The following DMD variants were observed in gnomAD, a reference collection of about 807,000 sequenced individuals.
DMD encodes the protein mutant dystrophin.
DMD carries 63 observed loss-of-function variants against 330.1 expected under a neutral mutation model. The observed-to-expected ratio is 0.19, with a 90% CI of 0.16 to 0.24. The LOEUF is 0.24. Among genes scored for constraint, DMD ranks in the 10% least tolerant of loss-of-function variants. DMD has a pLI of 1.00. For synonymous variants in DMD, 1,223 were observed against 959.8 expected (o/e 1.27, Z -5.07); for missense variants, 3,344 against 2,684.1 (o/e 1.25, Z -5.43).
chrX:31,820,249 G>C (rs1402125030), intron 49 of DMD, among the ~76,000 whole-genome samples, 166 bp from the exon 50 acceptor site: 1 of 111,273 alleles, frequency 9.0e-6, no homozygotes, highest in Non-Finnish European at 1.9e-5. Flanking sequence ...AATTATTTTA[G>C]CCAACCACCC....
At chrX:32,123,306 G>A (rs1290473609) in intron 44 of DMD, among the ~76,000 whole-genome samples, 4 of 97,890 alleles carry the variant, frequency 4.1e-5, no homozygotes, top group Non-Finnish European at 8.1e-5. Context: ...CTTTCTTCCC[G>A]TGGTTCTTTA....
At chrX:32,969,128 G>A (rs1289684434) in intron 2 of DMD, among the ~76,000 whole-genome samples, 31 of 105,088 alleles carry the variant, frequency 2.9e-4, no homozygotes, top group African/African-American at 9.6e-4. Flanking sequence ...CTGAGGAAGC[G>A]GGCTCACAAG....
At chrX:31,469,240 G>C (rs1023649214) in intron 59 of DMD, among the ~76,000 whole-genome samples, 2 of 111,450 alleles carry the variant, frequency 1.8e-5, no homozygotes, top group African/African-American at 6.6e-5. Flanking sequence ...TTGCCCGTTA[G>C]TTGATGCAGT....
intron 55 of DMD, among the ~76,000 whole-genome samples, chrX:31,617,084 AC>A (rs1272705923): frequency 8.9e-6 from 1 of 112,235 alleles, no homozygotes; most frequent in Non-Finnish European, 1.9e-5. Flanking sequence ...TGTGGGACAG[AC>A]ATTGGAAAGG....
At chrX:31,462,545 A>G (rs2066599061) in intron 59 of DMD, among the ~76,000 whole-genome samples, 1 of 111,501 alleles carries the variant, frequency 9.0e-6, no homozygotes, top group Admixed American at 9.5e-5. Context: ...CTCTCTCTGG[A>G]TCAGACACAA....
rs772135268 is a variant in DMD at position 31,499,096 on chromosome X, G to C, written c.8391-2152C>G. ...GTCAAGCAGGACATATTGAAAAGTA[G>C]GTGGAGAGAGGTAGGGCTCAGACAT... On this transcript the variant is annotated intron_variant, in intron 56 of 78. Coordinates refer to ENST00000357033, the MANE Select transcript of DMD (RefSeq NM_004006.3). Among the ~76,000 whole-genome samples, 7 of 111,901 alleles carry C rather than the reference G, an allele frequency of 6.3e-5. No homozygotes were observed. The South Asian group carries it at 2.6e-3, about 42-fold the overall frequency.
intron 52 of DMD, among the ~76,000 whole-genome samples, chrX:31,725,161 C>A (rs2085923410): frequency 9.0e-6 from 1 of 111,455 alleles, no homozygotes; most frequent in Non-Finnish European, 1.9e-5. Flanking sequence ...CACTTGTCAT[C>A]TTCCTAAGAC....
At chrX:31,686,690 T>G (rs904591131) in intron 52 of DMD, among the ~76,000 whole-genome samples, 2 of 112,206 alleles carry the variant, frequency 1.8e-5, no homozygotes, top group African/African-American at 3.2e-5. Context: ...AAAATAACTA[T>G]AGGTTAGAGA....
chrX:31,348,536 A>G lies in DMD; in HGVS notation c.9163+20T>C. On this transcript the variant is annotated intron_variant, in intron 61 of 78. Transcript: ENST00000357033. ...TCAAGATGCAATAAAGTTAAGTGAT[A>G]AAAGCTGAAAATGACTTACTGGAAA... 8.4e-7 allele frequency: 1 copy of G among 1,193,775 alleles called. No homozygotes were observed. Among genetic ancestry groups the G allele is most frequent in the African/African-American group, 1.7e-5 (1 of 57,524 alleles).
chrX:32,480,510 A>T (rs1685541884), intron 21 of DMD, among the ~76,000 whole-genome samples: 1 of 110,733 alleles, frequency 9.0e-6, no homozygotes, highest in Admixed American at 9.6e-5. Context: ...TATACACAGA[A>T]TGTGTCTACG....
chrX:31,524,530 T>C (rs775299016), intron 55 of DMD, among the ~76,000 whole-genome samples: 2 of 112,058 alleles, frequency 1.8e-5, no homozygotes, highest in African/African-American at 3.2e-5. Context: ...AGCCAGCCTA[T>C]GGAATGACCC....
intron 44 of DMD, among the ~76,000 whole-genome samples, chrX:31,978,462 A>G (rs1027032630): frequency 9.0e-6 from 1 of 111,541 alleles, no homozygotes; most frequent in East Asian, 2.8e-4. Flanking sequence ...CTTTCACTGC[A>G]TAACATTCTA....
chrX:31,525,090 T>A (rs2073141913), intron 55 of DMD, among the ~76,000 whole-genome samples: 1 of 112,096 alleles, frequency 8.9e-6, no homozygotes, highest in South Asian at 3.7e-4. Context: ...CATTAAATGA[T>A]ATGAACTGAT....
intron 7 of DMD, among the ~76,000 whole-genome samples, chrX:32,742,467 T>C (rs1220089103): frequency 1.8e-5 from 2 of 110,888 alleles, no homozygotes; most frequent in East Asian, 5.7e-4. Context: ...AGATGCCTCA[T>C]AGGTAAGAGG....
chrX:32,738,683 C>A lies in DMD; in HGVS notation c.650-39390G>T, dbSNP rs745679226. Among the ~76,000 whole-genome samples the A allele has an allele frequency of 0.065, 6,998 of 107,957 alleles. 2 individuals are homozygous for A. Among genetic ancestry groups the A allele is most frequent in the African/African-American group, 0.24 (6,568 of 27,441 alleles). 93.7% of individuals were successfully genotyped at this position (107,957 alleles called of 115,157 possible). ...AGACTGAAAACTTCTTCTACATGTT[C>A]ACTTGTCACCCGTCTGCAGAACAGA... On this transcript the variant is annotated intron_variant, in intron 7 of 78. Coordinates refer to ENST00000357033, the MANE Select transcript of DMD (RefSeq NM_004006.3).
At chrX:32,672,132 A>G (rs2061671755) in intron 9 of DMD, among the ~76,000 whole-genome samples, 1 of 111,507 alleles carries the variant, frequency 9.0e-6, no homozygotes, top group African/African-American at 3.2e-5. Flanking sequence ...CTTTTGCTAA[A>G]TTTTGAATAT....
intron 54 of DMD, among the ~76,000 whole-genome samples, chrX:31,653,173 G>C (rs1463861883): frequency 1.8e-5 from 2 of 111,241 alleles, no homozygotes; most frequent in Non-Finnish European, 3.8e-5. Flanking sequence ...GAGAAGCAAA[G>C]AGTGACTTAC....
chrX:33,070,673 C>CTCTCTCTCTCTCTCTCTATA (rs1192910156), intron 1 of DMD, among the ~76,000 whole-genome samples: 2 of 35,640 alleles, frequency 5.6e-5, no homozygotes, highest in Non-Finnish European at 8.9e-5. Context: ...CTCTCTCTCT[C>CTCTCTCTCTCTCTCTCTATA]TATATATATA....
intron 2 of DMD, among the ~76,000 whole-genome samples, chrX:32,870,509 C>G (rs35633758): frequency 2.7e-5 from 3 of 111,725 alleles, no homozygotes; most frequent in Non-Finnish European, 5.7e-5. Context: ...AGCTAGAAGC[C>G]TAATGCTACC....
Sources: allele counts gnomAD v4.1 joint callset (sites outside exome capture counted in the v4.1 genomes callset), GRCh38; gene constraint gnomAD v4.1.1; transcripts MANE v1.5; gene names NCBI Gene and HGNC (gene_info 2026-07-23, HGNC 2026-07-21).